The following PHACTR3 variants were observed in gnomAD, a reference collection of about 807,000 sequenced individuals.
PHACTR3 encodes phosphatase and actin regulator 3, also known as protein phosphatase 1, regulatory subunit 123.
In PHACTR3, 16 loss-of-function variants were observed where a neutral mutation model predicts 66.8. The observed-to-expected ratio is 0.24, with a 90% CI of 0.16 to 0.36. PHACTR3 has a LOEUF of 0.36. Ranked by LOEUF, PHACTR3 falls within the 10% of genes least tolerant of loss-of-function variation. The pLI is 1.00. For missense variants in PHACTR3, 647 were observed against 719.9 expected, an observed-to-expected ratio of 0.90 and a Z score of 1.16; for synonymous variants, 323 against 292.1, an observed-to-expected ratio of 1.11 and a Z score of -1.08.
chr20:59,688,782 T>C (rs558816002), intron 1 of PHACTR3, among the ~76,000 whole-genome samples: 37 of 152,296 alleles, frequency 2.4e-4, no homozygotes, highest in African/African-American at 8.7e-4. Flanking sequence ...AAATAAATAA[T>C]GATGAAACTT....
chr20:59,599,954 C>A (rs2033426130), upstream of PHACTR3, among the ~76,000 whole-genome samples: 1 of 152,172 alleles, frequency 6.6e-6, no homozygotes, highest in Admixed American at 6.5e-5. Flanking sequence ...GCTCTGGAGA[C>A]CCACCACTGC....
intron 1 of PHACTR3, among the ~76,000 whole-genome samples, chr20:59,718,996 T>C (rs560355155): frequency 6.6e-6 from 1 of 152,266 alleles, no homozygotes; most frequent in African/African-American, 2.4e-5. Context: ...TCAGATCTTA[T>C]GAAAATTTAA....
At chr20:59,772,450 G>T (rs1008566092) in intron 5 of PHACTR3, among the ~76,000 whole-genome samples, 1 of 152,200 alleles carries the variant, frequency 6.6e-6, no homozygotes, top group Non-Finnish European at 1.5e-5. Context: ...GAGGAAAAGT[G>T]TCAGGGCAGG....
chr20:59,810,190 C>T (rs563980682), intron 8 of PHACTR3, among the ~76,000 whole-genome samples: 16 of 152,306 alleles, frequency 1.1e-4, no homozygotes, highest in Admixed American at 8.5e-4. Flanking sequence ...TCCCCACCGC[C>T]GACTGTGAAG....
intron 1 of PHACTR3, among the ~76,000 whole-genome samples, chr20:59,585,332 C>G (rs74588917): frequency 0.02 from 3,042 of 152,272 alleles, 55 homozygotes; most frequent in East Asian, 0.087. Flanking sequence ...GAAAATCCCC[C>G]AAAATGTGAC....
intron 1 of PHACTR3, chr20:59,577,717 T>A: frequency 1.2e-6 from 1 of 858,540 alleles, no homozygotes. Context: ...CCCTTGCCCT[T>A]GGCCGTTGCG....
rs374248198 is a variant in PHACTR3, at chr20:59,707,551, C to T, written c.119-35556C>T. ...GCATAATCTCAGCTCACTGCAACCT[C>T]TGCCTCCTGGGTTCAAGTGATTCTC... On this transcript the variant is annotated intron_variant, in intron 1 of 12. Coordinates refer to ENST00000371015, the MANE Select transcript of PHACTR3 (RefSeq NM_080672.5). Among the ~76,000 whole-genome samples the T allele has an allele frequency of 5.3e-5, 8 of 149,946 alleles. 1 individual carries two copies. The East Asian group carries it at 1.2e-3, about 22-fold the overall frequency.
chr20:59,682,441 C>T (rs1004364227), intron 1 of PHACTR3, among the ~76,000 whole-genome samples: 2 of 152,196 alleles, frequency 1.3e-5, no homozygotes, highest in African/African-American at 2.4e-5. Context: ...CTGTTCCAGT[C>T]ACTGGGACAT....
At chr20:59,839,609 G>A (rs557480110) in intron 9 of PHACTR3, among the ~76,000 whole-genome samples, 62 of 152,250 alleles carry the variant, frequency 4.1e-4, no homozygotes, top group Middle Eastern at 6.8e-3. Context: ...ATCCCAGGGG[G>A]AAGCTTACGT....
chr20:59,608,723 C>T (rs2146339717), intron 1 of PHACTR3, among the ~76,000 whole-genome samples: 1 of 152,384 alleles, frequency 6.6e-6, no homozygotes, highest in East Asian at 1.9e-4. Context: ...CAGCTCCTTT[C>T]TCCAACTCTC....
At chr20:59,721,603 G>C (rs6100568) in intron 1 of PHACTR3, among the ~76,000 whole-genome samples, 1 of 152,146 alleles carries the variant, frequency 6.6e-6, no homozygotes, top group Non-Finnish European at 1.5e-5. Flanking sequence ...GGCAAAGTGC[G>C]TGTAAAGTTC....
At chr20:59,729,361 A>G (rs1165776728) in intron 1 of PHACTR3, among the ~76,000 whole-genome samples, 2 of 152,076 alleles carry the variant, frequency 1.3e-5, no homozygotes, top group Non-Finnish European at 2.9e-5. Context: ...CCCAGAGAAG[A>G]TGCTCAGAAA....
chr20:59,593,438 C>A (rs540318187), intron 1 of PHACTR3, among the ~76,000 whole-genome samples: 17 of 151,994 alleles, frequency 1.1e-4, no homozygotes, highest in African/African-American at 4.1e-4. Flanking sequence ...ATATTTTCTC[C>A]CAGTCTTCAG....
At chr20:59,636,474 T>C (rs2034905784) in intron 1 of PHACTR3, among the ~76,000 whole-genome samples, 1 of 152,188 alleles carries the variant, frequency 6.6e-6, no homozygotes, top group Non-Finnish European at 1.5e-5. Context: ...ACAGAGCATG[T>C]GGCCACCTGA....
chr20:59,637,025 GA>G (rs1461594445), intron 1 of PHACTR3, among the ~76,000 whole-genome samples: 23 of 152,204 alleles, frequency 1.5e-4, no homozygotes, highest in Non-Finnish European at 2.5e-4. Flanking sequence ...GAGAATTTTA[GA>G]ATGATCTAGG....
At chr20:59,808,277 A>G (rs1213841693) in intron 8 of PHACTR3, among the ~76,000 whole-genome samples, 2 of 152,222 alleles carry the variant, frequency 1.3e-5, no homozygotes, top group African/African-American at 4.8e-5. Flanking sequence ...AGGTGCCAAG[A>G]GCCACTGAGC....
chr20:59,755,383 G>T lies in PHACTR3; in HGVS notation c.541+19G>T. ...GATGCAGGTACTGGCTGGAGACCAC[G>T]CGAAGTTGAGCTGCTCCTAGAATGG... On this transcript the variant is annotated intron_variant, in intron 4 of 12. Coordinates refer to ENST00000371015, the MANE Select transcript of PHACTR3 (RefSeq NM_080672.5). 9.9e-6 allele frequency: 16 copies of T among 1,609,610 alleles called. No homozygotes were observed. Among genetic ancestry groups the T allele is most frequent in the Non-Finnish European group, 1.2e-5 (14 of 1,178,980 alleles).
chr20:59,727,848 G>A (rs568895877), intron 1 of PHACTR3, among the ~76,000 whole-genome samples: 4 of 152,140 alleles, frequency 2.6e-5, no homozygotes, highest in African/African-American at 9.6e-5. Flanking sequence ...TCTGAAATCC[G>A]AAACACTTCT....
rs745523231 is a variant in PHACTR3, at chr20:59,767,270, C to T, written c.626C>T (p.Ala209Val). ...ACCAATGAGCTCTCCCAAGCCTTAG[C>T]TGGGGCTGACTCCCTGGACAGTCCT... ...PTTNELSQAL[A>V]GADSLDSPPR... The change falls in exon 5 of 13, where the codon GCT becomes GTT. Residue 209 changes from alanine (A) to valine (V), a missense_variant. By Grantham distance (64) the Ala-to-Val change is moderately conservative (BLOSUM62 0). This residue lies in a region of PHACTR3 where 577 missense variants were observed against 571.1 expected (regional missense o/e 1.01). Coordinates refer to ENST00000371015, the MANE Select transcript of PHACTR3 (RefSeq NM_080672.5). The T allele has an allele frequency of 1.2e-6, 2 of 1,614,156 alleles. No homozygotes were observed. Among genetic ancestry groups the T allele is most frequent in the Admixed American group, 1.7e-5 (1 of 60,010 alleles).
Sources: gnomAD v4.1 joint callset for allele counts (sites outside exome capture counted in the v4.1 genomes callset) on GRCh38, gnomAD v4.1.1 for gene constraint, gnomAD v4.1.1 regional missense constraint, MANE v1.5 for transcripts, NCBI Gene and HGNC (gene_info 2026-07-23, HGNC 2026-07-21) for gene names.